ZNF280D: variants seen among roughly 807,000 people sequenced by gnomAD.
ZNF280D encodes suppressor of hairy wing homolog 4.
A neutral mutation model predicts 94.7 loss-of-function variants in ZNF280D; 39 were observed. The ratio of observed to expected loss-of-function variants is 0.41; its 90% CI spans 0.32 to 0.54. The LOEUF is 0.54. Among genes scored for constraint, ZNF280D ranks in the 20% least tolerant of loss-of-function variants. ZNF280D has a pLI of 0.22. For missense variants in ZNF280D, 1,090 were observed against 1,149.3 expected, an observed-to-expected ratio of 0.95 and a Z score of 0.75; for synonymous variants, 398 against 377.6, an observed-to-expected ratio of 1.05 and a Z score of -0.63.
At chr15:56,680,647 T>C (rs1407430768) in intron 10 of ZNF280D, among the ~76,000 whole-genome samples, 1 of 136,702 alleles carries the variant, frequency 7.3e-6, no homozygotes, top group African/African-American at 3.6e-5. Flanking sequence ...CGGCAAACTT[T>C]TGTATTTTTT....
chr15:56,671,958 C>T (rs371409070), intron 13 of ZNF280D, among the ~76,000 whole-genome samples: 1 of 152,020 alleles, frequency 6.6e-6, no homozygotes. Flanking sequence ...AAGGGGAGTT[C>T]ATTCATGATT....
intron 6 of ZNF280D, chr15:56,699,110 G>A (rs1275409010): frequency 2.0e-5 from 3 of 153,116 alleles, no homozygotes; most frequent in African/African-American, 7.2e-5. Flanking sequence ...TTCAAATGCT[G>A]GCAAAATCTT....
chr15:56,651,483 T>A (rs2053202742), intron 19 of ZNF280D, among the ~76,000 whole-genome samples: 1 of 152,138 alleles, frequency 6.6e-6, no homozygotes, highest in Non-Finnish European at 1.5e-5. Context: ...TTTTTAAAAA[T>A]GAATTTACTG....
In ZNF280D at chr15:56,669,898, A is replaced by T. The variant is rs1289524890; in HGVS notation, c.1411-941T>A. ...TTATATATATATATATTATATATAT[A>T]TATAATATATATATATTATATATAT... is the stretch of plus-strand genomic sequence containing the variant. On this transcript the variant is annotated intron_variant, in intron 13 of 21. Transcript: ENST00000267807. 2.3e-4 allele frequency among the ~76,000 whole-genome samples: 2 copies of T among 8,836 alleles called. 1 individual carries two copies. The allele number at this position is 8,836 out of a possible 152,430, so 5.8% of individuals were successfully genotyped here.
intron 21 of ZNF280D, among the ~76,000 whole-genome samples, chr15:56,634,711 TTG>T (rs1172515166): frequency 6.6e-6 from 1 of 152,162 alleles, no homozygotes; most frequent in Non-Finnish European, 1.5e-5. Context: ...GTGAAACATC[TTG>T]TGTTCTTTAA....
At chr15:56,698,551 A>G (rs1233080941) in intron 6 of ZNF280D, 4 of 152,200 alleles carry the variant, frequency 2.6e-5, no homozygotes, top group Non-Finnish European at 5.9e-5. Flanking sequence ...GCCTCCATGT[A>G]AATGTCATTA....
At chr15:56,718,779 A>T (rs2058181532) in intron 1 of ZNF280D, among the ~76,000 whole-genome samples, 2 of 151,958 alleles carry the variant, frequency 1.3e-5, no homozygotes, top group Admixed American at 1.3e-4. Context: ...AGCATTATCT[A>T]CTCCACAGTG....
chr15:56,682,233 TA>T lies in ZNF280D; in HGVS notation c.1004+20del. The T allele has an allele frequency of 6.8e-7, 1 of 1,475,064 alleles. No individual in the cohort carries two copies. The highest frequency in any genetic ancestry group is 9.2e-7 in the Non-Finnish European group (1 of 1,089,032). 91.4% of individuals were successfully genotyped at this position (1,475,064 alleles called of 1,614,324 possible). On this transcript the variant is annotated intron_variant, in intron 10 of 21. Transcript: ENST00000267807. ...GCAGCATTTCAATTTTCAATAGAAA[TA>T]AAAACAAGTATTTACATACCTAATG... is the stretch of plus-strand genomic sequence containing the variant.
intron 3 of ZNF280D, among the ~76,000 whole-genome samples, chr15:56,705,637 C>T (rs544543381): frequency 1.2e-4 from 18 of 152,278 alleles, no homozygotes; most frequent in Admixed American, 5.9e-4. Flanking sequence ...TTCCCTGGCC[C>T]TCCTAACTCT....
At chr15:56,641,292 C>A (rs1314612757) in intron 20 of ZNF280D, among the ~76,000 whole-genome samples, 1 of 151,948 alleles carries the variant, frequency 6.6e-6, no homozygotes, top group African/African-American at 2.4e-5. Context: ...TTATATTAGT[C>A]ATGTTTACTG....
At chr15:56,643,208 TC>T in intron 19 of ZNF280D, 1 of 327,534 alleles carries the variant, frequency 3.1e-6, no homozygotes, top group Non-Finnish European at 5.6e-6. Context: ...ATGTGCTAAA[TC>T]AATAAAGACA....
intron 3 of ZNF280D, among the ~76,000 whole-genome samples, chr15:56,706,519 T>A (rs1172171503): frequency 6.6e-6 from 1 of 151,724 alleles, no homozygotes; most frequent in Non-Finnish European, 1.5e-5. Context: ...AAGATGGCCA[T>A]CTACAAGTCA....
chr15:56,724,528 G>A (rs564404942), intron 1 of ZNF280D, among the ~76,000 whole-genome samples: 6 of 152,276 alleles, frequency 3.9e-5, no homozygotes, highest in African/African-American at 1.4e-4. Flanking sequence ...AAAGGCTGAC[G>A]GTGAAGTGAG....
chr15:56,724,865 G>T (rs913539975), intron 1 of ZNF280D: 1 of 454,316 alleles, frequency 2.2e-6, no homozygotes, highest in Non-Finnish European at 4.4e-6. Context: ...ATTCAATAAC[G>T]TTGTCAGATC....
intron 6 of ZNF280D, among the ~76,000 whole-genome samples, chr15:56,694,635 T>C (rs1293918651): frequency 6.6e-6 from 1 of 152,214 alleles, no homozygotes; most frequent in Non-Finnish European, 1.5e-5. Flanking sequence ...TGAATTGGCA[T>C]GTTACCATAA....
At chr15:56,690,543 TTTTTC>T (rs1202289864) in intron 7 of ZNF280D, among the ~76,000 whole-genome samples, 1 of 152,156 alleles carries the variant, frequency 6.6e-6, no homozygotes, top group African/African-American at 2.4e-5. Context: ...GAGGAACTCT[TTTTTC>T]TTTTATTTAA....
At chr15:56,699,332 C>T in intron 6 of ZNF280D, 1 of 926,142 alleles carries the variant, frequency 1.1e-6, no homozygotes, top group Non-Finnish European at 1.3e-6. Flanking sequence ...ATATAGCTCA[C>T]ACCTCTCACT....
At chr15:56,697,274 T>C (rs1255178993) in intron 6 of ZNF280D, among the ~76,000 whole-genome samples, 1 of 152,054 alleles carries the variant, frequency 6.6e-6, no homozygotes, top group Admixed American at 6.6e-5. Flanking sequence ...AACCTCCGCC[T>C]CCCAGGTTCA....
intron 20 of ZNF280D, among the ~76,000 whole-genome samples, chr15:56,640,204 GT>G (rs1313281154): frequency 6.6e-6 from 1 of 152,082 alleles, no homozygotes. Context: ...TCTGCAATCA[GT>G]GCTATACCAA....
Sources: allele counts gnomAD v4.1 joint callset (sites outside exome capture counted in the v4.1 genomes callset), GRCh38; gene constraint gnomAD v4.1.1; transcripts MANE v1.5; gene names NCBI Gene and HGNC (gene_info 2026-07-23, HGNC 2026-07-21).